Variants in KLHL1 observed in about 807,000 individuals in gnomAD.
KLHL1 encodes the protein kelch like family member 1.
A neutral mutation model predicts 77.7 loss-of-function variants in KLHL1; 47 were observed. That is an observed-to-expected ratio of 0.60 (90% CI 0.48 to 0.77). The LOEUF is 0.77. KLHL1 is among the 30% of genes least tolerant of loss of function. The pLI is 0.00. For missense variants in KLHL1, 925 were observed against 910.8 expected, an observed-to-expected ratio of 1.02 and a Z score of -0.20; for synonymous variants, 360 against 325.2, an observed-to-expected ratio of 1.11 and a Z score of -1.15.
intron 5 of KLHL1, among the ~76,000 whole-genome samples, chr13:69,841,330 A>C (rs536912523): frequency 1.3e-5 from 2 of 151,540 alleles, no homozygotes; most frequent in South Asian, 4.2e-4. Flanking sequence ...AAGACTCAAC[A>C]AAAAAAACAG....
At chr13:70,028,158 C>G (rs2137361928) in intron 1 of KLHL1, among the ~76,000 whole-genome samples, 1 of 152,198 alleles carries the variant, frequency 6.6e-6, no homozygotes, top group South Asian at 2.1e-4. Flanking sequence ...AGAAATAAAA[C>G]CATTGCCCTT....
intron 1 of KLHL1, among the ~76,000 whole-genome samples, chr13:70,079,449 A>G (rs1342860926): frequency 1.3e-5 from 2 of 152,222 alleles, no homozygotes; most frequent in African/African-American, 4.8e-5. Flanking sequence ...TCTATTCATG[A>G]TGCCTATTTC....
At chr13:69,909,578 C>T (rs1254353977) in intron 4 of KLHL1, among the ~76,000 whole-genome samples, 2 of 151,660 alleles carry the variant, frequency 1.3e-5, no homozygotes, top group African/African-American at 4.8e-5. Flanking sequence ...TTTCTCATTA[C>T]CTTCCAAATA....
At chr13:70,022,272 CGTGTGTGTTTGT>C (rs1224468460) in intron 1 of KLHL1, among the ~76,000 whole-genome samples, 678 of 54,164 alleles carry the variant, frequency 0.013, 4 homozygotes, top group African/African-American at 0.07. Context: ...AAGTTGATTA[CGTGTGTGTTTGT>C]GTGTGTGTGT....
chr13:69,890,461 G>A (rs1276564074), intron 4 of KLHL1, among the ~76,000 whole-genome samples: 2 of 151,874 alleles, frequency 1.3e-5, no homozygotes, highest in East Asian at 3.9e-4. Flanking sequence ...TTCAGTGATG[G>A]GAAACCCACG....
At chr13:69,836,319 T>C (rs1878988299) in intron 6 of KLHL1, among the ~76,000 whole-genome samples, 1 of 152,080 alleles carries the variant, frequency 6.6e-6, no homozygotes, top group Admixed American at 6.6e-5. Flanking sequence ...GCTTGTCTTC[T>C]CTGGGCGTTT....
At chr13:69,763,860 C>G (rs941742450) in intron 7 of KLHL1, among the ~76,000 whole-genome samples, 5 of 152,190 alleles carry the variant, frequency 3.3e-5, no homozygotes, top group South Asian at 2.1e-4. Context: ...CTCCAGAAAA[C>G]AGGAGATTCC....
chr13:69,740,344 C>T, intron 8 of KLHL1, 50 bp downstream of exon 8: 2 of 1,233,974 alleles, frequency 1.6e-6, no homozygotes, highest in Non-Finnish European at 2.2e-6. Context: ...ATAATATTTA[C>T]CCAATAACTT....
chr13:70,080,610 A>G (rs1029309843), intron 1 of KLHL1, among the ~76,000 whole-genome samples: 1 of 151,748 alleles, frequency 6.6e-6, no homozygotes, highest in African/African-American at 2.4e-5. Flanking sequence ...TTATTTTATC[A>G]TTTTTGAGAG....
At chr13:70,092,748 A>G in intron 1 of KLHL1, among the ~76,000 whole-genome samples, 1 of 152,186 alleles carries the variant, frequency 6.6e-6, no homozygotes, top group Non-Finnish European at 1.5e-5. Flanking sequence ...TTTACAGTAT[A>G]GGAGTGTGAT....
intron 1 of KLHL1, among the ~76,000 whole-genome samples, chr13:70,079,256 A>G (rs529810347): frequency 1.2e-3 from 188 of 152,184 alleles, no homozygotes; most frequent in Non-Finnish European, 2.2e-3. Context: ...GAATCTTTTT[A>G]ATAATCCCTA....
At chr13:70,067,207 A>G (rs1887029439) in intron 1 of KLHL1, among the ~76,000 whole-genome samples, 2 of 152,240 alleles carry the variant, frequency 1.3e-5, no homozygotes, top group Admixed American at 1.3e-4. Context: ...CCAGCATTTA[A>G]AAATTATACT....
At chr13:70,013,890 T>C (rs914786980) in intron 1 of KLHL1, among the ~76,000 whole-genome samples, 2 of 152,152 alleles carry the variant, frequency 1.3e-5, no homozygotes, top group African/African-American at 4.8e-5. Flanking sequence ...TGTTATAGAC[T>C]CAAAGCAGTG....
intron 4 of KLHL1, among the ~76,000 whole-genome samples, chr13:69,906,623 T>A (rs998197059): frequency 6.6e-6 from 1 of 151,578 alleles, no homozygotes; most frequent in Non-Finnish European, 1.5e-5. Flanking sequence ...TCTCTTTTTA[T>A]CTTGAATAAC....
chr13:69,838,108 G>A (rs1465859058), intron 6 of KLHL1, among the ~76,000 whole-genome samples: 4 of 150,480 alleles, frequency 2.7e-5, no homozygotes, highest in Non-Finnish European at 5.9e-5. Flanking sequence ...GATTACATCA[G>A]TTTTTTTCCC....
chr13:69,940,057 C>T lies in KLHL1; in HGVS notation c.997G>A (p.Ala333Thr). 6.2e-7 allele frequency: 1 copy of T among 1,605,404 alleles called. No individual in the cohort carries two copies. Among genetic ancestry groups the T allele is most frequent in the Non-Finnish European group, 8.5e-7 (1 of 1,175,896 alleles). Residue 333 changes from alanine to threonine, a missense_variant, in exon 4 of 11, where the codon GCC becomes ACC. Ala to Thr is a moderately conservative substitution (Grantham distance 58). Transcript: ENST00000377844. ...TTCCTTACCATTGTGTAGCTGTGGGCCACCTTCATTAACTCAATGCATCCT... is the reference window on the plus strand; with the variant it reads ...TTCCTTACCATTGTGTAGCTGTGGGTCACCTTCATTAACTCAATGCATCCT... ...AQGCIELMKVAHSYTMENIME... is the reference protein window; with the variant it reads ...AQGCIELMKVTHSYTMENIME...
chr13:69,848,053 G>T (rs1001310687), intron 5 of KLHL1, among the ~76,000 whole-genome samples: 2 of 151,526 alleles, frequency 1.3e-5, no homozygotes, highest in South Asian at 4.1e-4. Context: ...CTGGTGAAAG[G>T]AAAGAGTTCA....
At chr13:69,751,213 A>G (rs1359854126) in intron 7 of KLHL1, among the ~76,000 whole-genome samples, 1 of 151,772 alleles carries the variant, frequency 6.6e-6, no homozygotes, top group Non-Finnish European at 1.5e-5. Flanking sequence ...GCTGTCAGGT[A>G]AAGTTTAGCA....
chr13:69,746,493 G>A (rs963140271), intron 7 of KLHL1, among the ~76,000 whole-genome samples: 12 of 151,572 alleles, frequency 7.9e-5, no homozygotes, highest in African/African-American at 2.2e-4. Context: ...AGGTTCTTTC[G>A]GTTACAATGT....
Sources: allele counts gnomAD v4.1 joint callset (sites outside exome capture counted in the v4.1 genomes callset), GRCh38; gene constraint gnomAD v4.1.1; transcripts MANE v1.5; gene names NCBI Gene and HGNC (gene_info 2026-07-23, HGNC 2026-07-21).